NELL2: variants seen among roughly 807,000 people sequenced by gnomAD.
NELL2 encodes neural EGFL like 2.
Under a neutral mutation model 109.6 loss-of-function variants are expected in NELL2, and 41 were observed. That is an observed-to-expected ratio of 0.37 (90% CI 0.29 to 0.49). The LOEUF is 0.49. Ranked by LOEUF, NELL2 falls within the 20% of genes least tolerant of loss-of-function variation. The pLI, the probability that NELL2 is intolerant of heterozygous loss-of-function variation, is 0.98. For missense variants in NELL2, 900 were observed against 1,008.3 expected, an observed-to-expected ratio of 0.89 and a Z score of 1.45; for synonymous variants, 355 against 344.7, an observed-to-expected ratio of 1.03 and a Z score of -0.33.
chr12:44,790,239 A>G (rs747013718), intron 3 of NELL2, among the ~76,000 whole-genome samples: 1 of 152,180 alleles, frequency 6.6e-6, no homozygotes. Context: ...GCACCAGGTA[A>G]CCTATAAAGG....
chr12:44,880,761 T>C (rs1945401807), upstream of NELL2: 1 of 152,044 alleles, frequency 6.6e-6, no homozygotes, highest in East Asian at 1.9e-4. Flanking sequence ...GAAAATTACA[T>C]GGTATCAAGC....
At chr12:44,513,009 A>G (rs1380262609) in intron 19 of NELL2, among the ~76,000 whole-genome samples, 1 of 152,030 alleles carries the variant, frequency 6.6e-6, no homozygotes, top group Non-Finnish European at 1.5e-5. Flanking sequence ...GAGGTAAAAA[A>G]TACCCTAATT....
At chr12:44,715,483 G>A (rs926548326) in intron 9 of NELL2, among the ~76,000 whole-genome samples, 1 of 150,802 alleles carries the variant, frequency 6.6e-6, no homozygotes, top group Non-Finnish European at 1.5e-5. Context: ...TCCTTGTTTT[G>A]AAGTATTTCA....
chr12:44,529,977 CTT>C (rs1439858394), intron 16 of NELL2, among the ~76,000 whole-genome samples: 3 of 152,168 alleles, frequency 2.0e-5, no homozygotes, highest in African/African-American at 4.8e-5. Flanking sequence ...ACTCCTGACT[CTT>C]TGAACACTGA....
At chr12:44,736,135 C>T (rs530904291) in intron 9 of NELL2, among the ~76,000 whole-genome samples, 1 of 151,472 alleles carries the variant, frequency 6.6e-6, no homozygotes, top group African/African-American at 2.4e-5. Flanking sequence ...CTCAGCCTCC[C>T]GAGTAGCTGG....
chr12:44,748,221 G>A (rs1278087983), intron 9 of NELL2, among the ~76,000 whole-genome samples: 1 of 152,078 alleles, frequency 6.6e-6, no homozygotes, highest in Non-Finnish European at 1.5e-5. Context: ...AATAACATTA[G>A]TATTCATACA....
At chr12:44,587,284 A>AAAAAAAATATAT in intron 15 of NELL2, among the ~76,000 whole-genome samples, 88 of 72,192 alleles carry the variant, frequency 1.2e-3, no homozygotes, top group South Asian at 2.1e-3. Context: ...AAAAAAAAAA[A>AAAAAAAATATAT]ATATATATAT....
chr12:44,549,647 A>G (rs938088484), intron 15 of NELL2, among the ~76,000 whole-genome samples: 2 of 152,224 alleles, frequency 1.3e-5, no homozygotes, highest in Non-Finnish European at 2.9e-5. Flanking sequence ...AAAGAAGTTC[A>G]GAAAACAATA....
intron 15 of NELL2, among the ~76,000 whole-genome samples, chr12:44,597,062 T>C (rs527549162): frequency 6.6e-6 from 1 of 152,324 alleles, no homozygotes; most frequent in Non-Finnish European, 1.5e-5. Flanking sequence ...ATCTAGACTC[T>C]GATTGAACAT....
Position 44,508,709 on chromosome 12 carries a change from G to T in NELL2, c.*225C>A. The T allele has an allele frequency of 1.8e-6, 1 of 542,446 alleles. No individual in the cohort carries two copies. 33.6% of individuals were successfully genotyped at this position (542,446 alleles called of 1,614,324 possible). On this transcript the variant is annotated 3_prime_UTR_variant, in exon 20 of 20. Coordinates refer to ENST00000429094, the MANE Select transcript of NELL2 (RefSeq NM_001145108.2). ...CTGTACGCCCATTCTTCTACATGGT[G>T]ATGTGAGACACAGTAGAGGCAGACT...
chr12:44,784,329 GAAAAGA>G (rs991750721), intron 3 of NELL2, among the ~76,000 whole-genome samples: 1 of 149,684 alleles, frequency 6.7e-6, no homozygotes, highest in Admixed American at 6.7e-5. Context: ...GAAGAGAAAA[GAAAAGA>G]AAAAGGAAAA....
At chr12:44,827,497 A>C (rs1416324801) in intron 2 of NELL2, among the ~76,000 whole-genome samples, 1 of 149,920 alleles carries the variant, frequency 6.7e-6, no homozygotes, top group Non-Finnish European at 1.5e-5. Flanking sequence ...GCCTCTGGTA[A>C]GCATCCTTCT....
chr12:44,562,372 A>C (rs1284912545), intron 15 of NELL2, among the ~76,000 whole-genome samples: 1 of 152,224 alleles, frequency 6.6e-6, no homozygotes, highest in Non-Finnish European at 1.5e-5. Flanking sequence ...CATCAGAGTG[A>C]ACAGGCAGCC....
chr12:44,664,868 T>C (rs1000683791), intron 13 of NELL2, among the ~76,000 whole-genome samples: 9 of 152,078 alleles, frequency 5.9e-5, no homozygotes, highest in African/African-American at 1.9e-4. Context: ...TTTCATATTC[T>C]ACAGGTAGAA....
chr12:44,518,175 T>C (rs987614718), intron 19 of NELL2, among the ~76,000 whole-genome samples: 6 of 152,088 alleles, frequency 3.9e-5, no homozygotes, highest in Non-Finnish European at 8.8e-5. Context: ...TTCTGGAATA[T>C]ATTCCTATCA....
chr12:44,563,593 T>A (rs1480082815), intron 15 of NELL2, among the ~76,000 whole-genome samples: 4 of 152,202 alleles, frequency 2.6e-5, no homozygotes, highest in African/African-American at 9.6e-5. Context: ...AGGACACATT[T>A]GTGAGTAATT....
In NELL2 at chr12:44,508,838, C is replaced by T. The variant is rs924852603; in HGVS notation, c.*96G>A. 2 of 1,008,024 alleles carry T rather than the reference C, an allele frequency of 2.0e-6. No individual in the cohort carries two copies. The highest frequency in any genetic ancestry group is 4.3e-5 in the Admixed American group (2 of 47,058). The allele number at this position is 1,008,024 out of a possible 1,614,324, so 62.4% of individuals were successfully genotyped here. ...CAGCTATTAACAAAGCTGCATTTAG[C>T]TGCCCACAAATCACCCAATTTAAGT... On this transcript the variant is annotated 3_prime_UTR_variant, in exon 20 of 20. Coordinates refer to ENST00000429094, the MANE Select transcript of NELL2 (RefSeq NM_001145108.2).
At chr12:44,566,834 T>A (rs1943678938) in intron 15 of NELL2, among the ~76,000 whole-genome samples, 1 of 151,976 alleles carries the variant, frequency 6.6e-6, no homozygotes, top group South Asian at 2.1e-4. Context: ...TTTTTTTTTT[T>A]AGATGGAGTC....
At chr12:44,853,324 A>G (rs11182713) in intron 2 of NELL2, among the ~76,000 whole-genome samples, 1 of 152,166 alleles carries the variant, frequency 6.6e-6, no homozygotes, top group Admixed American at 6.6e-5. Flanking sequence ...TTTAAGTTTA[A>G]GGAAATTGGT....
Sources: gnomAD v4.1 joint callset for allele counts (sites outside exome capture counted in the v4.1 genomes callset) on GRCh38, gnomAD v4.1.1 for gene constraint, MANE v1.5 for transcripts, NCBI Gene and HGNC (gene_info 2026-07-23, HGNC 2026-07-21) for gene names.